OLFM2: variants seen among roughly 807,000 people sequenced by gnomAD.
OLFM2 encodes the protein noelin-2.
In OLFM2, 20 loss-of-function variants were observed where a neutral mutation model predicts 43.9. The observed-to-expected ratio is 0.46, with a 90% confidence interval of 0.32 to 0.66. The LOEUF is 0.66. OLFM2 is among the 30% of genes least tolerant of loss of function. The pLI, the probability that OLFM2 is intolerant of heterozygous loss-of-function variation, is 0.04. For synonymous variants in OLFM2, 268 were observed against 278.6 expected (o/e 0.96, Z 0.38); for missense variants, 416 against 643.6 (o/e 0.65, Z 3.83).
intron 1 of OLFM2, among the ~76,000 whole-genome samples, chr19:9,883,598 C>T (rs1408342500): frequency 6.6e-6 from 1 of 152,146 alleles, no homozygotes; most frequent in African/African-American, 2.4e-5. Flanking sequence ...AGGCTGAAGA[C>T]TGCTCTGCCA....
At chr19:9,918,240 G>A (rs1262923793) in intron 1 of OLFM2, among the ~76,000 whole-genome samples, 1 of 151,930 alleles carries the variant, frequency 6.6e-6, no homozygotes, top group Non-Finnish European at 1.5e-5. Flanking sequence ...GCCCAGGCTG[G>A]AGTGCAGTGG....
chr19:9,857,899 C>G lies in OLFM2; in HGVS notation c.214-38G>C. 6.2e-7 allele frequency: 1 copy of G among 1,613,174 alleles called. No homozygotes were observed. The highest frequency in any genetic ancestry group is 8.5e-7 in the Non-Finnish European group (1 of 1,179,864). On this transcript the variant is annotated intron_variant, in intron 2 of 5. Transcript: ENST00000264833. The surrounding 1 kb of genome is among the most constrained non-coding windows in gnomAD (Gnocchi z 5.7). ...ACAACTGAAGGGACCAGACCTCCTTCCCCAAATCCCAACCCAGAGATGCCA... is the reference window on the plus strand; with the variant it reads ...ACAACTGAAGGGACCAGACCTCCTTGCCCAAATCCCAACCCAGAGATGCCA...
intron 1 of OLFM2, among the ~76,000 whole-genome samples, chr19:9,878,143 C>T (rs1042222635): frequency 6.6e-6 from 1 of 152,162 alleles, no homozygotes; most frequent in African/African-American, 2.4e-5. Flanking sequence ...AGCCACCACA[C>T]CCAGCCCTTT....
rs1416696229 is a variant in OLFM2, at chr19:9,901,090, GAAGGAAGGAAGGAAA to G, written c.63+35199_63+35213del. 1.8e-4 allele frequency among the ~76,000 whole-genome samples: 24 copies of G among 132,202 alleles called. No homozygotes were observed. The South Asian group carries it at 2.2e-3, about 12-fold the overall frequency. The allele number at this position is 132,202 out of a possible 152,430, so 86.7% of individuals were successfully genotyped here. A position where few individuals can be genotyped will look rare whatever the true frequency, so the allele number is the denominator to read the frequency against. On this transcript the variant is annotated intron_variant, in intron 1 of 5. Coordinates refer to ENST00000264833, the MANE Select transcript of OLFM2 (RefSeq NM_058164.4). ...AAGGGAGGGAAAGAAAGAGAGTGAG[GAAGGAAGGAAGGAAA>G]AAGGAAGGAAGGAAAGAAAGAAAAA...
intron 1 of OLFM2, among the ~76,000 whole-genome samples, chr19:9,909,247 GC>G: frequency 6.6e-6 from 1 of 152,044 alleles, no homozygotes; most frequent in South Asian, 2.1e-4. Context: ...CCTCTCTCCA[GC>G]CCCCCAGGCA....
intron 1 of OLFM2, among the ~76,000 whole-genome samples, chr19:9,877,178 C>T (rs775146953): frequency 3.4e-5 from 5 of 146,596 alleles, no homozygotes; most frequent in African/African-American, 7.7e-5. Context: ...TGCGATGAGC[C>T]GAGATGGTGC....
At chr19:9,915,468 T>G (rs928614835) in intron 1 of OLFM2, among the ~76,000 whole-genome samples, 2 of 151,840 alleles carry the variant, frequency 1.3e-5, no homozygotes, top group African/African-American at 4.8e-5. Flanking sequence ...AAGTAAACTT[T>G]AAACAGAGTG....
At chr19:9,885,331 T>C (rs762657011) in intron 1 of OLFM2, among the ~76,000 whole-genome samples, 4 of 152,160 alleles carry the variant, frequency 2.6e-5, no homozygotes, top group Admixed American at 6.6e-5. Context: ...CAGTGCCAAG[T>C]TGGCCTGGTT....
At chr19:9,932,109 G>A (rs2086486276) in intron 1 of OLFM2, among the ~76,000 whole-genome samples, 1 of 152,082 alleles carries the variant, frequency 6.6e-6, no homozygotes, top group African/African-American at 2.4e-5. Flanking sequence ...CCGCTCTAGT[G>A]GGGAAACAGA....
intron 1 of OLFM2, among the ~76,000 whole-genome samples, chr19:9,861,878 A>G (rs951929319): frequency 1.3e-5 from 2 of 152,104 alleles, no homozygotes; most frequent in Admixed American, 1.3e-4. Context: ...AAATTAGCCA[A>G]GTATGGTGGC....
At chr19:9,895,539 TAAATAA>T (rs2046676274) in intron 1 of OLFM2, among the ~76,000 whole-genome samples, 1 of 152,118 alleles carries the variant, frequency 6.6e-6, no homozygotes, top group Non-Finnish European at 1.5e-5. Context: ...ACAAAACATT[TAAATAA>T]AAATAAAGTC....
chr19:9,890,353 C>T (rs1034452786), intron 1 of OLFM2, among the ~76,000 whole-genome samples: 1 of 152,010 alleles, frequency 6.6e-6, no homozygotes, highest in African/African-American at 2.4e-5. Context: ...GTATCTGAAG[C>T]TAAGGGAAGA....
At chr19:9,899,194 G>A (rs966585901) in intron 1 of OLFM2, among the ~76,000 whole-genome samples, 7 of 151,864 alleles carry the variant, frequency 4.6e-5, no homozygotes, top group African/African-American at 1.7e-4. Context: ...GAACCCGGGA[G>A]GTGGAGGCTG....
chr19:9,890,770 T>C (rs944493399), intron 1 of OLFM2, among the ~76,000 whole-genome samples: 1 of 151,788 alleles, frequency 6.6e-6, no homozygotes, highest in Non-Finnish European at 1.5e-5. Flanking sequence ...CTGGGCAACA[T>C]AGCAAGACCC....
chr19:9,854,482 C>G lies in OLFM2; in HGVS notation c.1069G>C (p.Val357Leu). ...VSRLDPHTLE[V>L]MRSWDTGYPK... ...TAGCCGGTGTCCCAGGACCGCATGACCTCGAGGGTGTGCGGGTCCAGCCGG... is the reference window on the plus strand; with the variant it reads ...TAGCCGGTGTCCCAGGACCGCATGAGCTCGAGGGTGTGCGGGTCCAGCCGG... The change falls in exon 6 of 6, where the codon GTC (valine) becomes CTC (leucine). Residue 357 changes from valine to leucine, a missense_variant. Physicochemically the swap from Val to Leu is conservative, Grantham distance 32 (BLOSUM62 1). Transcript: ENST00000264833. The surrounding 1 kb of genome is among the most constrained non-coding windows in gnomAD (Gnocchi z 9.5). 1 of 1,614,012 alleles carries G rather than the reference C, an allele frequency of 6.2e-7. No homozygotes were observed. The highest frequency in any genetic ancestry group is 8.5e-7 in the Non-Finnish European group (1 of 1,180,028).
intron 1 of OLFM2, among the ~76,000 whole-genome samples, chr19:9,881,398 G>C (rs2046538962): frequency 6.6e-6 from 1 of 152,192 alleles, no homozygotes; most frequent in Non-Finnish European, 1.5e-5. Context: ...CTCTAAGATG[G>C]ACTCAAGGGT....
At position 9,895,352 on chromosome 19, in the gene OLFM2, G is replaced by A. The variant is rs527718537; in HGVS notation, c.64-34558C>T. On this transcript the variant is annotated intron_variant, in intron 1 of 5. Transcript: ENST00000264833. ...AAAAAAAAATTTTTTTTTAATTAGC[G>A]GGGTGTGGTGGCACACGCCTGTAGT... Among the ~76,000 whole-genome samples the A allele has an allele frequency of 1.4e-4, 21 of 151,784 alleles. No individual in the cohort carries two copies. The East Asian group carries it at 3.9e-3, about 28-fold the overall frequency.
intron 1 of OLFM2, among the ~76,000 whole-genome samples, chr19:9,865,817 T>TAAAAA (rs35276534): frequency 8.1e-6 from 1 of 124,136 alleles, no homozygotes; most frequent in Non-Finnish European, 1.7e-5. Context: ...ATCTCATTCT[T>TAAAAA]AAAAAAAAAA....
chr19:9,858,015 T>C, intron 2 of OLFM2, 154 bp from the exon 3 acceptor site: 1 of 895,336 alleles, frequency 1.1e-6, no homozygotes. Flanking sequence ...AGCCTCCCAA[T>C]TGCGTGCCCA....
Sources: gnomAD v4.1 joint callset for allele counts (sites outside exome capture counted in the v4.1 genomes callset) on GRCh38, gnomAD v4.1.1 for gene constraint, Gnocchi (gnomAD v3.1) non-coding constraint, MANE v1.5 for transcripts, NCBI Gene and HGNC (gene_info 2026-07-23, HGNC 2026-07-21) for gene names.